The following GOLGA6B variants were observed in gnomAD, a reference collection of about 807,000 sequenced individuals.
GOLGA6B encodes golgin A6 family member B, also known as golgin subfamily A member 6B.
A neutral mutation model predicts 63.0 loss-of-function variants in GOLGA6B; 11 were observed. The observed-to-expected ratio is 0.17, with a 90% CI of 0.11 to 0.29. The LOEUF is 0.29. Ranked by LOEUF, GOLGA6B falls within the 10% of genes least tolerant of loss-of-function variation. The probability of loss-of-function intolerance (pLI) is 1.00; values close to 1 mark genes in which losing one functional copy is unlikely to be tolerated. For synonymous variants in GOLGA6B, 46 were observed against 232.6 expected (o/e 0.20, Z 7.30); for missense variants, 134 against 563.8 (o/e 0.24, Z 7.72).
chr15:72,656,039 AC>A (rs2064577299), intron 1 of GOLGA6B, among the ~76,000 whole-genome samples: 1 of 138,568 alleles, frequency 7.2e-6, no homozygotes, highest in African/African-American at 2.7e-5. Flanking sequence ...CTGAAATGAG[AC>A]TTGGGTTGTC....
Position 72,669,467 on chromosome 15 carries a change from G to A in GOLGA6B, c.*3125G>A, listed in dbSNP as rs2064652520. ...TTTATTTGCCAAGTTTTCTTAGAAT[G>A]ACTTTTACCAGTTTATGAATTCTTG... On this transcript the variant is annotated 3_prime_UTR_variant, in exon 18 of 18. Transcript: ENST00000421285. Among the ~76,000 whole-genome samples the A allele has an allele frequency of 6.6e-6, 1 of 150,550 alleles. No homozygotes were observed. The highest frequency in any genetic ancestry group is 1.5e-5 in the Non-Finnish European group (1 of 67,478).
Position 72,669,440 on chromosome 15 carries a change from G to A in GOLGA6B, c.*3098G>A, listed in dbSNP as rs1054472565. On this transcript the variant is annotated 3_prime_UTR_variant, in exon 18 of 18. Transcript: ENST00000421285. The stretch of plus-strand genomic sequence containing the variant: ...AAAGAAATGCCAATTCCAATGCAAG[G>A]CTTTATTTGCCAAGTTTTCTTAGAA... Among the ~76,000 whole-genome samples, 4 of 149,878 alleles carry A rather than the reference G, an allele frequency of 2.7e-5. No homozygotes were observed. The highest frequency in any genetic ancestry group is 9.7e-5 in the African/African-American group (4 of 41,034).
chr15:72,657,269 G>A (rs1478274420), intron 2 of GOLGA6B, among the ~76,000 whole-genome samples: 4 of 78,912 alleles, frequency 5.1e-5, no homozygotes, highest in Non-Finnish European at 9.8e-5. Flanking sequence ...TAATGGAGGT[G>A]GAGGTCTGGA....
Position 72,662,427 on chromosome 15 carries a change from G to T in GOLGA6B, c.1023G>T (p.Glu341Asp). The T allele has an allele frequency of 2.9e-6, 4 of 1,396,378 alleles. No individual in the cohort carries two copies. Among genetic ancestry groups the T allele is most frequent in the Non-Finnish European group, 3.9e-6 (4 of 1,028,812 alleles). 86.5% of individuals were successfully genotyped at this position (1,396,378 alleles called of 1,614,324 possible). The stretch of plus-strand genomic sequence containing the variant: ...AGGAACAAAAGCAGAGACTCCAGGA[G>T]CAGGAGGAGATGCTCCGAGAGCAGG... ...LSKEQKQRLQ[E>D]QEEMLREQEV... The change falls in exon 11 of 18, where the codon GAG becomes GAT. Residue 341 changes from glutamate to aspartate, a missense_variant. Coordinates refer to ENST00000421285, the MANE Select transcript of GOLGA6B (RefSeq NM_018652.5).
intron 12 of GOLGA6B, among the ~76,000 whole-genome samples, chr15:72,664,164 A>G (rs1269156780): frequency 2.3e-5 from 3 of 130,774 alleles, no homozygotes; most frequent in African/African-American, 7.9e-5. Flanking sequence ...AGTCTGCAGC[A>G]GCAGCGAGAC....
Position 72,662,370 on chromosome 15 carries a change from G to A in GOLGA6B, c.966G>A (p.Val322=), listed in dbSNP as rs777167479. ...EGLEGKLQSQ[V]ENNQALSLLS... Reference sequence around the variant, plus strand: ...TGGAGGGAAAGCTCCAATCCCAGGTGGAAAACAATCAGGCCTTGAGTCTCC... The same window carrying A: ...TGGAGGGAAAGCTCCAATCCCAGGTAGAAAACAATCAGGCCTTGAGTCTCC... The change falls in exon 11 of 18, where the codon GTG becomes GTA. Residue 322 remains valine (V), a synonymous_variant. Transcript: ENST00000421285. 10 of 1,391,266 alleles carry A rather than the reference G, an allele frequency of 7.2e-6. 2 individuals carry two copies. In the Admixed American group the frequency reaches 1.1e-4, roughly 16 times the overall value. The allele number at this position is 1,391,266 out of a possible 1,614,324, so 86.2% of individuals were successfully genotyped here.
Position 72,666,322 on chromosome 15 carries a change from C to G in GOLGA6B, c.2062C>G (p.Pro688Ala), listed in dbSNP as rs374689899. ...TGTACAGCAGATCGTGCAGCTGTCT[C>G]CTGTCATGCAGGACACCTAGGAGCA... ...PTVQQIVQLS[P>A]VMQDT is the part of the protein sequence containing the mutation. Residue 688 changes from proline to alanine, a missense_variant, in exon 18 of 18, where the codon CCT becomes GCT. By Grantham distance (27) the Pro-to-Ala change is conservative. Coordinates refer to ENST00000421285, the MANE Select transcript of GOLGA6B (RefSeq NM_018652.5). 13 of 1,559,626 alleles carry G rather than the reference C, an allele frequency of 8.3e-6. 1 individual carries two copies. The highest frequency in any genetic ancestry group is 1.0e-5 in the Non-Finnish European group (12 of 1,153,396).
Position 72,669,375 on chromosome 15 carries a change from G to A in GOLGA6B, c.*3033G>A, listed in dbSNP as rs1041645427. ...TAAAACACTTTAAAATATGAATACT[G>A]TAGTTTGAAAGAAAGAAACTGGGGG... is the stretch of plus-strand genomic sequence containing the variant. On this transcript the variant is annotated 3_prime_UTR_variant, in exon 18 of 18. Coordinates refer to ENST00000421285, the MANE Select transcript of GOLGA6B (RefSeq NM_018652.5). Among the ~76,000 whole-genome samples the A allele has an allele frequency of 3.3e-5, 5 of 151,782 alleles. No homozygotes were observed. The highest frequency in any genetic ancestry group is 1.2e-4 in the African/African-American group (5 of 41,322).
intron 7 of GOLGA6B, among the ~76,000 whole-genome samples, chr15:72,660,590 G>T (rs931404900): frequency 3.7e-5 from 4 of 108,726 alleles, no homozygotes; most frequent in Admixed American, 1.7e-4. Context: ...AAAGGGGTGT[G>T]TGTGTGTGTG....
chr15:72,661,042 A>G (rs2064593425), intron 7 of GOLGA6B, among the ~76,000 whole-genome samples: 1 of 151,282 alleles, frequency 6.6e-6, no homozygotes, highest in Admixed American at 6.6e-5. Context: ...TAATAACAAT[A>G]GCAATATTAT....
At chr15:72,660,672 G>C (rs2064591332) in intron 7 of GOLGA6B, among the ~76,000 whole-genome samples, 1 of 110,620 alleles carries the variant, frequency 9.0e-6, no homozygotes, top group Non-Finnish European at 1.9e-5. Flanking sequence ...AAACTCAGGA[G>C]AGAGTAACAG....
rs1185017650 is a variant in GOLGA6B, at chr15:72,664,545, C to T, written c.1501+34C>T. 1.6e-5 allele frequency: 20 copies of T among 1,278,518 alleles called. 2 individuals are homozygous for T. The highest frequency in any genetic ancestry group is 2.0e-5 in the Non-Finnish European group (19 of 930,004). 79.2% of individuals were successfully genotyped at this position (1,278,518 alleles called of 1,614,324 possible). On this transcript the variant is annotated intron_variant, in intron 13 of 17. Transcript: ENST00000421285. The stretch of plus-strand genomic sequence containing the variant: ...GACCACTCAGAGGAAGAGGAGAGAG[C>T]CCCAGGAGGAAGGGGGGACTGTTAG...
chr15:72,661,006 G>A (rs1179519378), intron 7 of GOLGA6B, among the ~76,000 whole-genome samples: 2 of 151,502 alleles, frequency 1.3e-5, no homozygotes, highest in South Asian at 2.1e-4. Context: ...ACTCCATAAC[G>A]GTTCAAACAG....
chr15:72,664,192 G>A (rs1203923270), intron 12 of GOLGA6B, among the ~76,000 whole-genome samples: 3 of 130,716 alleles, frequency 2.3e-5, no homozygotes, highest in Admixed American at 1.5e-4. Context: ...TGGGTCACCT[G>A]CAGCAGTACG....
In GOLGA6B at chr15:72,662,164, G is replaced by T. The variant is rs1477022955; in HGVS notation, c.848-88G>T. ...CCTGAGAGGAGCTGTGCATCAAGAG[G>T]AGGTTTTTTTTTTTTTTTTTTTTGA... On this transcript the variant is annotated intron_variant, in intron 10 of 17. Coordinates refer to ENST00000421285, the MANE Select transcript of GOLGA6B (RefSeq NM_018652.5). The T allele has an allele frequency of 5.2e-5, 60 of 1,147,946 alleles. No individual in the cohort carries two copies. In the African/African-American group the frequency reaches 1.0e-3, roughly 20 times the overall value. The allele number at this position is 1,147,946 out of a possible 1,614,324, so 71.1% of individuals were successfully genotyped here.
At chr15:72,664,097 T>C (rs1389184003) in intron 12 of GOLGA6B, among the ~76,000 whole-genome samples, 1 of 130,040 alleles carries the variant, frequency 7.7e-6, no homozygotes, top group Non-Finnish European at 1.7e-5. Context: ...CCAGCCACCA[T>C]GTGCCCTCAT....
chr15:72,664,042 C>T (rs1269253723), intron 12 of GOLGA6B, among the ~76,000 whole-genome samples: 6 of 129,602 alleles, frequency 4.6e-5, no homozygotes, highest in African/African-American at 1.6e-4. Flanking sequence ...TGACAGAGCC[C>T]CACGGTGCCC....
rs751920774 is a variant in GOLGA6B at position 72,662,262 on chromosome 15, A to G, written c.858A>G (p.Pro286=). The change falls in exon 11 of 18, where the codon CCA becomes CCG. Residue 286 remains proline, a synonymous_variant. Transcript: ENST00000421285. The part of the protein sequence containing the change: ...SELKNQMAKP[P]SLAPPAVTSV... ...TGCTTCATTTCTCAGCTAAGCCCCC[A>G]TCCCTGGCGCCCCCAGCAGTGACCT... 1.5e-6 allele frequency: 2 copies of G among 1,375,130 alleles called. No homozygotes were observed. The highest frequency in any genetic ancestry group is 3.2e-5 in the African/African-American group (2 of 63,124). 85.2% of individuals were successfully genotyped at this position (1,375,130 alleles called of 1,614,324 possible).
rs2064604067 is a variant in GOLGA6B at position 72,662,378 on chromosome 15, A to G, written c.974A>G (p.Asn325Ser). 1 of 1,392,006 alleles carries G rather than the reference A, an allele frequency of 7.2e-7. No homozygotes were observed. The highest frequency in any genetic ancestry group is 9.7e-7 in the Non-Finnish European group (1 of 1,026,040). 86.2% of individuals were successfully genotyped at this position (1,392,006 alleles called of 1,614,324 possible). A position where few individuals can be genotyped will look rare whatever the true frequency, so the allele number is the denominator to read the frequency against. ...AAGCTCCAATCCCAGGTGGAAAACA[A>G]TCAGGCCTTGAGTCTCCTTAGCAAG... ...EGKLQSQVENNQALSLLSKEQ... is the reference protein window; with the variant it reads ...EGKLQSQVENSQALSLLSKEQ... The change falls in exon 11 of 18, where the codon AAT (asparagine) becomes AGT (serine). Residue 325 changes from asparagine (N) to serine (S), a missense_variant. Coordinates refer to ENST00000421285, the MANE Select transcript of GOLGA6B (RefSeq NM_018652.5).
Sources: gnomAD v4.1 joint callset for allele counts (sites outside exome capture counted in the v4.1 genomes callset) on GRCh38, gnomAD v4.1.1 for gene constraint, MANE v1.5 for transcripts, NCBI Gene and HGNC (gene_info 2026-07-23, HGNC 2026-07-21) for gene names.